The following CPED1 variants were observed in gnomAD, a reference collection of about 807,000 sequenced individuals.
CPED1 encodes the protein cadherin like and PC-esterase domain containing 1.
CPED1 carries 114 observed loss-of-function variants against 128.2 expected under a neutral mutation model. That is an observed-to-expected ratio of 0.89 (90% confidence interval 0.76 to 1.04). The LOEUF is 1.04. CPED1 is among the 50% of genes least tolerant of loss of function. The pLI, the probability that CPED1 is intolerant of heterozygous loss-of-function variation, is 0.00. For missense variants in CPED1, 1,211 were observed against 1,207.1 expected, an observed-to-expected ratio of 1.00 and a Z score of -0.05; for synonymous variants, 462 against 426.7, an observed-to-expected ratio of 1.08 and a Z score of -1.02.
At chr7:121,184,693 T>C (rs1239970481) in intron 16 of CPED1, among the ~76,000 whole-genome samples, 1 of 152,140 alleles carries the variant, frequency 6.6e-6, no homozygotes, top group Non-Finnish European at 1.5e-5. Context: ...GAGTAAGAAC[T>C]GGAGGTGAGT....
chr7:121,095,862 T>C (rs1409076124), intron 5 of CPED1, among the ~76,000 whole-genome samples: 2 of 152,142 alleles, frequency 1.3e-5, no homozygotes, highest in Non-Finnish European at 2.9e-5. Context: ...TTGAAATCAA[T>C]TCTGTGCTTT....
intron 22 of CPED1, among the ~76,000 whole-genome samples, chr7:121,283,992 T>G (rs1425656961): frequency 6.6e-6 from 1 of 152,230 alleles, no homozygotes; most frequent in Non-Finnish European, 1.5e-5. Flanking sequence ...ACTCTCACTG[T>G]ATTAGTCCGT....
At position 121,243,918 on chromosome 7, in the gene CPED1, T is replaced by C. The variant is rs146049484; in HGVS notation, c.2174-284T>C. 5.2e-4 allele frequency among the ~76,000 whole-genome samples: 79 copies of C among 152,306 alleles called. No homozygotes were observed. The East Asian group carries it at 0.013, about 25-fold the overall frequency. ...AAGTGTTCAATGTACTGTTTAAAAA[T>C]AGGTAATGATTGAGTAATACTTAGA... On this transcript the variant is annotated intron_variant, in intron 17 of 22. Transcript: ENST00000310396.
chr7:121,245,782 C>T (rs1798513239), intron 18 of CPED1, among the ~76,000 whole-genome samples: 1 of 151,594 alleles, frequency 6.6e-6, no homozygotes. Flanking sequence ...CCTCCACCTC[C>T]TAGGTTCAAG....
chr7:121,050,828 G>C, intron 4 of CPED1: 1 of 463,440 alleles, frequency 2.2e-6, no homozygotes, highest in Non-Finnish European at 4.3e-6. Context: ...GAGCGGCAGC[G>C]GCCAGGCAGC....
chr7:121,022,624 A>G (rs546568574), intron 3 of CPED1, among the ~76,000 whole-genome samples: 3 of 152,058 alleles, frequency 2.0e-5, no homozygotes, highest in East Asian at 3.9e-4. Flanking sequence ...TTTGTGGGTC[A>G]TCTGCTGAGA....
chr7:121,015,847 A>G lies in CPED1; in HGVS notation c.432A>G (p.Gln144=), dbSNP rs1246298105. ...NAGLGPGLLE[Q]GDLGSWDLLI... ...GCCTAGGGCCGGGGCTACTAGAACA[A>G]GGTCAGAATAGTGAGAAGTAACTGC... is the stretch of plus-strand genomic sequence containing the variant. Residue 144 remains glutamine (Q), a splice_region_variant and synonymous_variant, in exon 3 of 23, where the codon CAA becomes CAG. Transcript: ENST00000310396. 1 of 1,513,182 alleles carries G rather than the reference A, an allele frequency of 6.6e-7. No homozygotes were observed. The highest frequency in any genetic ancestry group is 8.8e-7 in the Non-Finnish European group (1 of 1,135,008). 93.7% of individuals were successfully genotyped at this position (1,513,182 alleles called of 1,614,324 possible). A position where few individuals can be genotyped will look rare whatever the true frequency, so the allele number is the denominator to read the frequency against.
intron 4 of CPED1, among the ~76,000 whole-genome samples, chr7:121,052,284 C>T (rs760458602): frequency 2.0e-4 from 31 of 152,158 alleles, no homozygotes; most frequent in African/African-American, 5.1e-4. Flanking sequence ...CCAAGGTGAA[C>T]ATTATTCTAT....
chr7:121,090,501 C>G (rs1347874877), intron 5 of CPED1, among the ~76,000 whole-genome samples: 1 of 152,238 alleles, frequency 6.6e-6, no homozygotes, highest in East Asian at 1.9e-4. Context: ...AGTAGTAATA[C>G]AATAATGTCA....
chr7:121,204,454 C>A (rs997292906), intron 16 of CPED1, among the ~76,000 whole-genome samples: 1 of 152,078 alleles, frequency 6.6e-6, no homozygotes, highest in African/African-American at 2.4e-5. Flanking sequence ...GTCTACCAGT[C>A]CACACACACC....
intron 18 of CPED1, chr7:121,261,520 T>C (rs1792016096): frequency 7.0e-7 from 1 of 1,430,608 alleles, no homozygotes; most frequent in Non-Finnish European, 9.6e-7. Flanking sequence ...TGACATTAGG[T>C]ATTTGGCCAT....
At chr7:121,173,216 C>G (rs1236904706) in intron 16 of CPED1, among the ~76,000 whole-genome samples, 3 of 151,960 alleles carry the variant, frequency 2.0e-5, no homozygotes, top group African/African-American at 4.8e-5. Context: ...CTTTCACTAC[C>G]CTGTGAAACA....
chr7:121,009,898 A>G (rs973885761), intron 2 of CPED1, among the ~76,000 whole-genome samples: 2 of 152,104 alleles, frequency 1.3e-5, no homozygotes, highest in Non-Finnish European at 2.9e-5. Flanking sequence ...ATTCTGGTAG[A>G]TTTTTTTCCA....
chr7:121,130,269 A>G lies in CPED1; in HGVS notation c.1552A>G (p.Lys518Glu). Residue 518 changes from lysine to glutamate, a missense_variant, in exon 12 of 23, where the codon AAG becomes GAG. By Grantham distance (56) the Lys-to-Glu change is moderately conservative (BLOSUM62 1). Coordinates refer to ENST00000310396, the MANE Select transcript of CPED1 (RefSeq NM_024913.5). ...TGAACAATTTCAGTTCATGAATAAA[A>G]AGACACAGCCACATCCACTGGAATG... ...VFEQFQFMNK[K>E]TQPHPLEWNS... 6.2e-7 allele frequency: 1 copy of G among 1,606,580 alleles called. No homozygotes were observed. The highest frequency in any genetic ancestry group is 8.5e-7 in the Non-Finnish European group (1 of 1,177,274).
At position 120,989,554 on chromosome 7, in the gene CPED1, C is replaced by T; in HGVS notation, c.-68C>T. Reference sequence around the variant, plus strand: ...AGAAGACAGATTAGTATTTTTCATGCTGACAAAAAATAGCTGCTATGACTT... The same window carrying T: ...AGAAGACAGATTAGTATTTTTCATGTTGACAAAAAATAGCTGCTATGACTT... On this transcript the variant is annotated 5_prime_UTR_variant, in exon 2 of 23. Coordinates refer to ENST00000310396, the MANE Select transcript of CPED1 (RefSeq NM_024913.5). 1 of 1,569,676 alleles carries T rather than the reference C, an allele frequency of 6.4e-7. No individual in the cohort carries two copies. Among genetic ancestry groups the T allele is most frequent in the South Asian group, 1.2e-5 (1 of 86,936 alleles).
chr7:121,161,861 A>C (rs1280508094), intron 16 of CPED1, among the ~76,000 whole-genome samples: 1 of 152,212 alleles, frequency 6.6e-6, no homozygotes, highest in Non-Finnish European at 1.5e-5. Flanking sequence ...TCAACATAGC[A>C]GGATAGTAGC....
intron 10 of CPED1, among the ~76,000 whole-genome samples, chr7:121,128,127 C>A (rs1035313845): frequency 6.6e-6 from 1 of 152,078 alleles, no homozygotes; most frequent in East Asian, 1.9e-4. Flanking sequence ...TTTTATAACA[C>A]GTTAGCATCT....
intron 12 of CPED1, 81 bp downstream of exon 12, chr7:121,130,375 T>A: frequency 1.7e-6 from 2 of 1,199,168 alleles, no homozygotes; most frequent in Non-Finnish European, 1.1e-6. Flanking sequence ...TTGCCTATGT[T>A]AAAGCAAGCA....
chr7:121,010,474 C>A (rs1238402531), intron 2 of CPED1, among the ~76,000 whole-genome samples: 2 of 152,296 alleles, frequency 1.3e-5, no homozygotes, highest in East Asian at 3.9e-4. Flanking sequence ...GTTTTGAACT[C>A]CTGACCTCAA....
Sources: gnomAD v4.1 joint callset for allele counts (sites outside exome capture counted in the v4.1 genomes callset) on GRCh38, gnomAD v4.1.1 for gene constraint, MANE v1.5 for transcripts, NCBI Gene and HGNC (gene_info 2026-07-23, HGNC 2026-07-21) for gene names.